NDC1: variants seen among roughly 807,000 people sequenced by gnomAD.
NDC1 encodes the protein NDC1 transmembrane nucleoporin.
A neutral mutation model predicts 89.8 loss-of-function variants in NDC1; 24 were observed. That is an observed-to-expected ratio of 0.27 (90% CI 0.19 to 0.38). The LOEUF is 0.38. Ranked by LOEUF, NDC1 falls within the 10% of genes least tolerant of loss-of-function variation. The pLI is 1.00. For synonymous variants in NDC1, 296 were observed against 284.8 expected (o/e 1.04, Z -0.39); for missense variants, 728 against 797.6 (o/e 0.91, Z 1.05).
At chr1:53,798,863 G>C (rs2100653822) in intron 11 of NDC1, among the ~76,000 whole-genome samples, 1 of 152,236 alleles carries the variant, frequency 6.6e-6, no homozygotes, top group African/African-American at 2.4e-5. Flanking sequence ...CCCATTATAT[G>C]ACTTTTTAAA....
chr1:53,796,240 T>C (rs563473260), intron 13 of NDC1, among the ~76,000 whole-genome samples: 2 of 152,354 alleles, frequency 1.3e-5, no homozygotes, highest in African/African-American at 4.8e-5. Flanking sequence ...ATATGACCTG[T>C]TGAGATGCAT....
intron 16 of NDC1, among the ~76,000 whole-genome samples, chr1:53,779,882 G>C (rs1177276174): frequency 6.6e-6 from 1 of 152,076 alleles, no homozygotes; most frequent in African/African-American, 2.4e-5. Context: ...TGTTGGTCAA[G>C]GGTCTCTGGG....
chr1:53,819,387 CA>C (rs1007744043), intron 5 of NDC1, among the ~76,000 whole-genome samples: 9 of 152,214 alleles, frequency 5.9e-5, no homozygotes, highest in African/African-American at 2.2e-4. Flanking sequence ...TAGCAGCTAA[CA>C]TTTTTTTGTT....
chr1:53,806,060 C>A (rs534144148), intron 9 of NDC1, among the ~76,000 whole-genome samples: 1 of 151,136 alleles, frequency 6.6e-6, no homozygotes, highest in African/African-American at 2.4e-5. Flanking sequence ...GGCGACAGAG[C>A]GAGACTCCGT....
chr1:53,814,357 A>AAAAT (rs574505547), intron 6 of NDC1, among the ~76,000 whole-genome samples: 8,320 of 151,774 alleles, frequency 0.055, 663 homozygotes, highest in African/African-American at 0.18. Flanking sequence ...TCCGTCTCAA[A>AAAAT]AAATAAATAA....
intron 5 of NDC1, among the ~76,000 whole-genome samples, chr1:53,824,843 T>C (rs911629000): frequency 5.3e-5 from 8 of 152,212 alleles, no homozygotes; most frequent in Non-Finnish European, 7.3e-5. Flanking sequence ...CTAAAATTAC[T>C]TGCACATCCC....
intron 17 of NDC1, among the ~76,000 whole-genome samples, chr1:53,768,976 A>G (rs1280381783): frequency 6.6e-6 from 1 of 152,114 alleles, no homozygotes; most frequent in Non-Finnish European, 1.5e-5. Flanking sequence ...ACAATTTACT[A>G]TTAGTACTCC....
intron 16 of NDC1, among the ~76,000 whole-genome samples, chr1:53,774,882 A>C (rs72662309): frequency 0.25 from 38,653 of 151,946 alleles, 5,907 homozygotes; most frequent in African/African-American, 0.43. Context: ...CAGCGCAACA[A>C]CCTGTCTCTA....
chr1:53,830,128 G>T (rs1050223521), intron 3 of NDC1, among the ~76,000 whole-genome samples: 1 of 151,826 alleles, frequency 6.6e-6, no homozygotes, highest in South Asian at 2.1e-4. Context: ...TCCAGCCTGG[G>T]CAACAGAGTG....
chr1:53,784,470 A>G (rs1647257943), intron 16 of NDC1, among the ~76,000 whole-genome samples: 1 of 152,150 alleles, frequency 6.6e-6, no homozygotes, highest in Non-Finnish European at 1.5e-5. Flanking sequence ...CAGCTTGGCC[A>G]ACATGGTGAA....
chr1:53,800,085 T>C lies in NDC1; in HGVS notation c.1222+608A>G, dbSNP rs185940477. ...GAGTAAGCTGAAGTCTCCTATTTAA[T>C]AGCCATCATTTTGGTAGTGTTTTTA... On this transcript the variant is annotated intron_variant, in intron 11 of 17. Coordinates refer to ENST00000371429, the MANE Select transcript of NDC1 (RefSeq NM_018087.5). 2.6e-5 allele frequency among the ~76,000 whole-genome samples: 4 copies of C among 152,306 alleles called. No homozygotes were observed. The East Asian group carries it at 7.7e-4, about 29-fold the overall frequency.
At chr1:53,776,215 C>G (rs762005590) in intron 16 of NDC1, among the ~76,000 whole-genome samples, 5 of 152,104 alleles carry the variant, frequency 3.3e-5, no homozygotes, top group Non-Finnish European at 7.4e-5. Flanking sequence ...CCCCGGTTTC[C>G]CAAAGTGCTG....
chr1:53,777,053 G>T (rs1647169587), intron 16 of NDC1, among the ~76,000 whole-genome samples: 1 of 151,378 alleles, frequency 6.6e-6, no homozygotes, highest in Admixed American at 6.6e-5. Context: ...TTAGAGACAG[G>T]GTCTCACTCT....
chr1:53,784,927 C>T (rs1271403757), intron 16 of NDC1, among the ~76,000 whole-genome samples: 1 of 151,722 alleles, frequency 6.6e-6, no homozygotes, highest in Non-Finnish European at 1.5e-5. Flanking sequence ...CACTGCACTC[C>T]AGCCTGGGCA....
chr1:53,789,168 A>G lies in NDC1; in HGVS notation c.1664T>C (p.Phe555Ser). 6.2e-7 allele frequency: 1 copy of G among 1,611,038 alleles called. No homozygotes were observed. Among genetic ancestry groups the G allele is most frequent in the African/African-American group, 1.3e-5 (1 of 74,874 alleles). The stretch of plus-strand genomic sequence containing the variant: ...CCAAATATGCATTTGGGCATCTGAA[A>G]AAACAGCCTGAATGGAGGCCTCTGG... The part of the protein sequence containing the change: ...KHPEASIQAV[F>S]SDAQMHIWAL... Residue 555 changes from phenylalanine to serine, a missense_variant, in exon 15 of 18, where the codon TTT becomes TCT. By Grantham distance (155) the Phe-to-Ser change is radical. Coordinates refer to ENST00000371429, the MANE Select transcript of NDC1 (RefSeq NM_018087.5).
chr1:53,776,758 TAA>T (rs1373668100), intron 16 of NDC1, among the ~76,000 whole-genome samples: 1 of 152,190 alleles, frequency 6.6e-6, no homozygotes, highest in Non-Finnish European at 1.5e-5. Context: ...CAATGAAAAC[TAA>T]AAGACTACAA....
intron 14 of NDC1, among the ~76,000 whole-genome samples, chr1:53,792,021 C>T (rs1399183267): frequency 2.0e-5 from 3 of 151,850 alleles, no homozygotes; most frequent in Non-Finnish European, 2.9e-5. Context: ...CGGCTCACTG[C>T]AAGCTCCGCC....
At chr1:53,773,925 T>C (rs992692000) in intron 16 of NDC1, among the ~76,000 whole-genome samples, 5 of 152,156 alleles carry the variant, frequency 3.3e-5, no homozygotes, top group African/African-American at 1.2e-4. Flanking sequence ...TAACTAATTT[T>C]CAAACAGCTC....
chr1:53,835,580 A>G lies in NDC1; in HGVS notation c.98T>C (p.Val33Ala). 1 of 1,613,368 alleles carries G rather than the reference A, an allele frequency of 6.2e-7. No individual in the cohort carries two copies. Among genetic ancestry groups the G allele is most frequent in the South Asian group, 1.1e-5 (1 of 90,986 alleles). The change falls in exon 2 of 18, where the codon GTG (valine) becomes GCG (alanine). Residue 33 changes from valine (V) to alanine (A), a missense_variant. Coordinates refer to ENST00000371429, the MANE Select transcript of NDC1 (RefSeq NM_018087.5). The stretch of plus-strand genomic sequence containing the variant: ...TGTGGTGCAGATGGGTAGAAATAGC[A>G]CTGACCAAACAATACTTGCAACTAT... ...WRIVASIVWS[V>A]LFLPICTTVF... is the part of the protein sequence containing the mutation.
Sources: gnomAD v4.1 joint callset for allele counts (sites outside exome capture counted in the v4.1 genomes callset) on GRCh38, gnomAD v4.1.1 for gene constraint, MANE v1.5 for transcripts, NCBI Gene and HGNC (gene_info 2026-07-23, HGNC 2026-07-21) for gene names.